The following PDE11A variants were observed in gnomAD, a reference collection of about 807,000 sequenced individuals.
The protein encoded by PDE11A is phosphodiesterase 11A.
In PDE11A, 100 loss-of-function variants were observed where a neutral mutation model predicts 100.5. The observed-to-expected ratio is 1.00, with a 90% CI of 0.85 to 1.18. The LOEUF (loss-of-function observed/expected upper bound fraction) is 1.18, where lower values mean the gene tolerates loss of function less well. Among genes scored for constraint, PDE11A ranks in the 50% most tolerant of loss-of-function variants. PDE11A has a pLI of 0.00. For missense variants in PDE11A, 1,141 were observed against 1,152.6 expected (o/e 0.99, Z 0.15); for synonymous variants, 381 against 420.8 (o/e 0.91, Z 1.16).
intron 5 of PDE11A, among the ~76,000 whole-genome samples, chr2:177,874,694 A>C (rs2084201657): frequency 6.6e-6 from 1 of 152,196 alleles, no homozygotes; most frequent in Admixed American, 6.6e-5. Flanking sequence ...AAGAGGGAGG[A>C]AGAGAAACAA....
intron 2 of PDE11A, among the ~76,000 whole-genome samples, chr2:177,987,601 T>C (rs1471893978): frequency 6.6e-6 from 1 of 152,196 alleles, no homozygotes; most frequent in Non-Finnish European, 1.5e-5. Context: ...CAGAAATAAA[T>C]GTTTTATTAA....
chr2:177,893,554 G>A (rs189382946), intron 4 of PDE11A, among the ~76,000 whole-genome samples: 28 of 152,302 alleles, frequency 1.8e-4, no homozygotes, highest in Non-Finnish European at 1.2e-4. Flanking sequence ...AAGTTGGGGA[G>A]GGGTGTGGAC....
At chr2:178,073,429 A>G, upstream of PDE11A, among the ~76,000 whole-genome samples, 1 of 152,236 alleles carries the variant, frequency 6.6e-6, no homozygotes. Flanking sequence ...AACACAGTAC[A>G]GAAAAAGAGT....
chr2:178,073,826 G>A (rs1261147887), upstream of PDE11A, among the ~76,000 whole-genome samples: 5 of 151,736 alleles, frequency 3.3e-5, no homozygotes. Context: ...TTCCAATTCT[G>A]TATTCAGTCA....
intron 6 of PDE11A, among the ~76,000 whole-genome samples, chr2:177,830,523 C>T (rs2083292196): frequency 6.6e-6 from 1 of 151,522 alleles, no homozygotes; most frequent in African/African-American, 2.4e-5. Flanking sequence ...ATTGCTTGAA[C>T]CCAGGAGGCG....
intron 2 of PDE11A, among the ~76,000 whole-genome samples, chr2:178,079,339 T>C (rs1184786874): frequency 1.3e-5 from 2 of 149,702 alleles, no homozygotes; most frequent in Non-Finnish European, 3.0e-5. Flanking sequence ...CACCTCCCCA[T>C]GTCCATGTGT....
intron 2 of PDE11A, among the ~76,000 whole-genome samples, chr2:177,918,492 A>T (rs1418253188): frequency 6.6e-6 from 1 of 152,230 alleles, no homozygotes; most frequent in Non-Finnish European, 1.5e-5. Context: ...AGAAAATAGT[A>T]AATGAGAAAA....
At chr2:177,785,468 G>C (rs77108609) in intron 9 of PDE11A, among the ~76,000 whole-genome samples, 4 of 152,226 alleles carry the variant, frequency 2.6e-5, no homozygotes, top group Non-Finnish European at 5.9e-5. Flanking sequence ...CGCAGAAGAC[G>C]GGTGATTTCT....
Position 177,875,446 on chromosome 2 carries a change from C to T in PDE11A, c.1367+413G>A, listed in dbSNP as rs545267412. Among the ~76,000 whole-genome samples the T allele has an allele frequency of 2.2e-3, 337 of 151,864 alleles. 1 individual carries two copies. The highest frequency in any genetic ancestry group is 1.2e-3 in the Non-Finnish European group (79 of 67,940). On this transcript the variant is annotated intron_variant, in intron 5 of 19. Transcript: ENST00000286063. ...AGGCTGGAGTGCAGTGGCACAATCT[C>T]GGCTCACTGCAAGCTCCACCTCCCA...
At chr2:177,917,085 G>GT (rs754461578) in intron 2 of PDE11A, among the ~76,000 whole-genome samples, 10 of 151,790 alleles carry the variant, frequency 6.6e-5, no homozygotes, top group Non-Finnish European at 1.0e-4. Context: ...CAACTTGAAG[G>GT]TTCTTATACT....
chr2:177,810,839 G>A (rs1485352689), intron 9 of PDE11A, among the ~76,000 whole-genome samples: 1 of 152,104 alleles, frequency 6.6e-6, no homozygotes, highest in Non-Finnish European at 1.5e-5. Context: ...AGGTAATGGA[G>A]CCCTTAAGTA....
At chr2:177,778,179 A>C (rs1288271736) in intron 9 of PDE11A, among the ~76,000 whole-genome samples, 2 of 152,244 alleles carry the variant, frequency 1.3e-5, no homozygotes, top group Non-Finnish European at 2.9e-5. Flanking sequence ...CAATGGGCAG[A>C]GCTATGAGAT....
At chr2:177,961,080 A>G (rs1461060135) in intron 2 of PDE11A, among the ~76,000 whole-genome samples, 2 of 152,124 alleles carry the variant, frequency 1.3e-5, no homozygotes, top group African/African-American at 4.8e-5. Context: ...ATGGAGTAAA[A>G]TGCTTCCTCT....
At chr2:178,063,124 A>C (rs915021039) in intron 1 of PDE11A, among the ~76,000 whole-genome samples, 3 of 152,232 alleles carry the variant, frequency 2.0e-5, no homozygotes, top group African/African-American at 7.2e-5. Context: ...ACAGAGACCC[A>C]ATGTATACTT....
intron 2 of PDE11A, among the ~76,000 whole-genome samples, chr2:177,925,881 G>A (rs1054068968): frequency 4.6e-5 from 7 of 152,204 alleles, no homozygotes; most frequent in East Asian, 1.9e-4. Flanking sequence ...CAGGACACTC[G>A]CTGGAGTTTT....
chr2:177,978,138 A>C (rs530898168), intron 2 of PDE11A, among the ~76,000 whole-genome samples: 3 of 590 alleles, frequency 5.1e-3, no homozygotes, highest in East Asian at 0.032. Flanking sequence ...GTGAACAGGC[A>C]ACCTACAACA....
chr2:177,815,631 A>T (rs190035154), intron 9 of PDE11A, among the ~76,000 whole-genome samples: 236 of 152,318 alleles, frequency 1.5e-3, no homozygotes, highest in Non-Finnish European at 2.5e-3. Flanking sequence ...GCACCCTGCT[A>T]GGCATTGCAA....
intron 2 of PDE11A, among the ~76,000 whole-genome samples, chr2:178,088,688 A>G (rs1266829102): frequency 6.6e-6 from 1 of 152,208 alleles, no homozygotes; most frequent in African/African-American, 2.4e-5. Flanking sequence ...ATAATCATCC[A>G]ATGGTCTACA....
At chr2:177,977,850 G>T (rs2105800576) in intron 2 of PDE11A, among the ~76,000 whole-genome samples, 1 of 114,636 alleles carries the variant, frequency 8.7e-6, no homozygotes, top group East Asian at 2.5e-4. Flanking sequence ...AATAAATGGT[G>T]CTGGGAAAAC....
Sources: gnomAD v4.1 joint callset for allele counts (sites outside exome capture counted in the v4.1 genomes callset) on GRCh38, gnomAD v4.1.1 for gene constraint, MANE v1.5 for transcripts, NCBI Gene and HGNC (gene_info 2026-07-23, HGNC 2026-07-21) for gene names.